Variants in OSBPL1A observed in about 807,000 individuals in gnomAD.
OSBPL1A encodes the protein oxysterol-binding protein-related protein 1.
OSBPL1A carries 80 observed loss-of-function variants against 137.1 expected under a neutral mutation model. The observed-to-expected ratio is 0.58, with a 90% CI of 0.49 to 0.70. The LOEUF is 0.70. OSBPL1A is among the 30% of genes least tolerant of loss of function. The pLI is 0.00. For missense variants in OSBPL1A, 970 were observed against 1,129.4 expected (o/e 0.86, Z 2.02); for synonymous variants, 365 against 389.7 (o/e 0.94, Z 0.75).
intron 17 of OSBPL1A, among the ~76,000 whole-genome samples, chr18:24,214,060 A>G (rs774562234): frequency 8.5e-5 from 13 of 152,196 alleles, no homozygotes; most frequent in Non-Finnish European, 1.8e-4. Flanking sequence ...AGAGTTCAGC[A>G]CAGTCCTGGG....
chr18:24,241,677 G>A (rs1213264504), intron 15 of OSBPL1A, among the ~76,000 whole-genome samples: 1 of 152,198 alleles, frequency 6.6e-6, no homozygotes, highest in East Asian at 1.9e-4. Flanking sequence ...CTCTGTTGGT[G>A]GGAGTGTAAA....
Position 24,368,344 on chromosome 18 carries a change from T to C in OSBPL1A, c.150A>G (p.Thr50=). The part of the protein sequence containing the change: ...KGRSKSNLGW[T]PLHLACYFGH... ...CAAAATAGCATGCCAGATGTAGAGG[T>C]GTCCAGCCCAAGTTAGACTTACTTC... The change falls in exon 3 of 28, where the codon ACA becomes ACG. Residue 50 remains threonine, a synonymous_variant. Transcript: ENST00000319481. 6.2e-7 allele frequency: 1 copy of C among 1,613,592 alleles called. No individual in the cohort carries two copies. Among genetic ancestry groups the C allele is most frequent in the Non-Finnish European group, 8.5e-7 (1 of 1,179,610 alleles).
intron 21 of OSBPL1A, among the ~76,000 whole-genome samples, chr18:24,175,135 T>TATAC (rs1323687106): frequency 1.4e-4 from 14 of 96,644 alleles, no homozygotes; most frequent in South Asian, 1.0e-3. Flanking sequence ...TATATATATA[T>TATAC]ACACATATAT....
intron 1 of OSBPL1A, among the ~76,000 whole-genome samples, chr18:24,394,874 G>T (rs1349516568): frequency 6.6e-6 from 1 of 152,140 alleles, no homozygotes; most frequent in African/African-American, 2.4e-5. Context: ...TAAAAGTAAA[G>T]TGAGCGACCT....
chr18:24,332,232 G>T (rs113588593), intron 7 of OSBPL1A, among the ~76,000 whole-genome samples: 4,221 of 151,396 alleles, frequency 0.028, 163 homozygotes, highest in African/African-American at 0.085. Flanking sequence ...AAAAAAATCA[G>T]CCAGGCATGG....
intron 17 of OSBPL1A, among the ~76,000 whole-genome samples, chr18:24,209,652 A>G (rs1255318456): frequency 6.6e-6 from 1 of 152,242 alleles, no homozygotes; most frequent in Non-Finnish European, 1.5e-5. Flanking sequence ...AGGAGTACAG[A>G]TAAGCCAAAC....
At chr18:24,267,536 C>T (rs2089608542) in intron 15 of OSBPL1A, among the ~76,000 whole-genome samples, 1 of 151,906 alleles carries the variant, frequency 6.6e-6, no homozygotes, top group East Asian at 1.9e-4. Flanking sequence ...TACTAAAATC[C>T]AAAGGAAACC....
At chr18:24,359,926 C>T (rs1383765392) in intron 4 of OSBPL1A, among the ~76,000 whole-genome samples, 1 of 151,992 alleles carries the variant, frequency 6.6e-6, no homozygotes, top group African/African-American at 2.4e-5. Context: ...AAGAAAAGCC[C>T]AAAGGTGCCT....
At chr18:24,199,535 T>C (rs2087150203) in intron 17 of OSBPL1A, among the ~76,000 whole-genome samples, 1 of 152,198 alleles carries the variant, frequency 6.6e-6, no homozygotes, top group Non-Finnish European at 1.5e-5. Context: ...ACTCATATTC[T>C]GTCTACTGCT....
chr18:24,253,247 T>A (rs1467137714), intron 15 of OSBPL1A, among the ~76,000 whole-genome samples: 3 of 145,310 alleles, frequency 2.1e-5, no homozygotes, highest in Non-Finnish European at 4.5e-5. Flanking sequence ...CCTACAAAGG[T>A]ACACATAGAG....
At chr18:24,299,590 A>T (rs1029359478) in intron 14 of OSBPL1A, among the ~76,000 whole-genome samples, 1 of 152,176 alleles carries the variant, frequency 6.6e-6, no homozygotes, top group African/African-American at 2.4e-5. Context: ...CAGGACCCCA[A>T]TCCCTTCCAG....
At chr18:24,305,979 A>C (rs1568014505) in intron 13 of OSBPL1A, among the ~76,000 whole-genome samples, 1 of 152,172 alleles carries the variant, frequency 6.6e-6, no homozygotes, top group Non-Finnish European at 1.5e-5. Flanking sequence ...TTTATAAATT[A>C]CCCAGTCTGG....
rs760386947 is a variant in OSBPL1A, at chr18:24,303,620, A to T, written c.1174+17T>A. The T allele has an allele frequency of 6.3e-7, 1 of 1,594,112 alleles. No individual in the cohort carries two copies. The highest frequency in any genetic ancestry group is 1.1e-5 in the South Asian group (1 of 90,410). ...TGTGTTAAAGAGTGATTGTAGGGAT[A>T]GTGCTTGTCTTTTTACCTTTAGCCA... is the stretch of plus-strand genomic sequence containing the variant. On this transcript the variant is annotated intron_variant, in intron 14 of 27. Coordinates refer to ENST00000319481, the MANE Select transcript of OSBPL1A (RefSeq NM_080597.4).
At chr18:24,243,389 CCT>C (rs1273984663) in intron 15 of OSBPL1A, among the ~76,000 whole-genome samples, 1 of 152,176 alleles carries the variant, frequency 6.6e-6, no homozygotes, top group African/African-American at 2.4e-5. Context: ...ATCTCTTTCC[CCT>C]TTTTAGCTTT....
chr18:24,187,678 C>T (rs2086786124), intron 18 of OSBPL1A, among the ~76,000 whole-genome samples: 1 of 152,216 alleles, frequency 6.6e-6, no homozygotes, highest in Non-Finnish European at 1.5e-5. Context: ...GACAAGATCT[C>T]CAAGTCCTCC....
chr18:24,382,014 A>C (rs1906620028), intron 1 of OSBPL1A, among the ~76,000 whole-genome samples: 1 of 151,906 alleles, frequency 6.6e-6, no homozygotes, highest in African/African-American at 2.4e-5. Flanking sequence ...ATAAAGGTTC[A>C]TTCACCTAAT....
At chr18:24,331,656 A>G (rs1279079394) in intron 7 of OSBPL1A, among the ~76,000 whole-genome samples, 4 of 150,494 alleles carry the variant, frequency 2.7e-5, no homozygotes, top group African/African-American at 1.0e-4. Flanking sequence ...TCGGCCTCCC[A>G]AAGTGCTGGG....
chr18:24,176,090 T>C (rs2086438189), intron 21 of OSBPL1A, among the ~76,000 whole-genome samples: 1 of 152,264 alleles, frequency 6.6e-6, no homozygotes, highest in African/African-American at 2.4e-5. Context: ...AGTCCATCAA[T>C]TCTGTTCTTC....
At chr18:24,244,715 G>A (rs531967875) in intron 15 of OSBPL1A, among the ~76,000 whole-genome samples, 18 of 152,318 alleles carry the variant, frequency 1.2e-4, no homozygotes, top group African/African-American at 4.1e-4. Flanking sequence ...AATCCATAGT[G>A]GCTATTTCCA....
Sources: gnomAD v4.1 joint callset for allele counts (sites outside exome capture counted in the v4.1 genomes callset) on GRCh38, gnomAD v4.1.1 for gene constraint, MANE v1.5 for transcripts, NCBI Gene and HGNC (gene_info 2026-07-23, HGNC 2026-07-21) for gene names.